BRD9: variants seen among roughly 807,000 people sequenced by gnomAD.
BRD9 encodes bromodomain containing 9, also known as bromodomain-containing protein 9.
Under a neutral mutation model 68.7 loss-of-function variants are expected in BRD9, and 47 were observed. The ratio of observed to expected loss-of-function variants is 0.68; its 90% CI spans 0.54 to 0.87. The LOEUF (loss-of-function observed/expected upper bound fraction) is 0.87, where lower values mean the gene tolerates loss of function less well. BRD9 is among the 40% of genes least tolerant of loss of function. The pLI, the probability that BRD9 is intolerant of heterozygous loss-of-function variation, is 0.00. For missense variants in BRD9, 670 were observed against 748.4 expected, an observed-to-expected ratio of 0.90 and a Z score of 1.22; for synonymous variants, 313 against 293.9, an observed-to-expected ratio of 1.06 and a Z score of -0.67.
intron 7 of BRD9, among the ~76,000 whole-genome samples, chr5:885,386 A>T (rs1268718417): frequency 2.0e-5 from 3 of 152,160 alleles, no homozygotes; most frequent in Non-Finnish European, 4.4e-5. Flanking sequence ...GGTTGGAGGG[A>T]GCTGCTCAGA....
chr5:890,081 A>G (rs1753135307), intron 3 of BRD9: 2 of 326,956 alleles, frequency 6.1e-6, no homozygotes, highest in Non-Finnish European at 1.2e-5. Context: ...CTGTAGTCCC[A>G]GCAACTTGGG....
intron 12 of BRD9, among the ~76,000 whole-genome samples, chr5:875,897 T>C (rs1413317460): frequency 6.6e-6 from 1 of 152,080 alleles, no homozygotes; most frequent in Non-Finnish European, 1.5e-5. Flanking sequence ...GAGTTACGAG[T>C]GCGCTGGGAG....
intron 14 of BRD9, among the ~76,000 whole-genome samples, chr5:867,427 C>T (rs1284505047): frequency 6.6e-6 from 1 of 152,236 alleles, no homozygotes; most frequent in African/African-American, 2.4e-5. Flanking sequence ...GGGCCACCGT[C>T]CTCCAGACCT....
chr5:891,969 G>A lies in BRD9; in HGVS notation c.53-115C>T. ...CCTCCCTAAGGAGTACAGCGGGGCT[G>A]CCAACCAGCAGGGAAAGACGGAAGG... is the stretch of plus-strand genomic sequence containing the variant. On this transcript the variant is annotated intron_variant, in intron 1 of 15. Coordinates refer to ENST00000467963, the MANE Select transcript of BRD9 (RefSeq NM_023924.5). 4 of 1,443,574 alleles carry A rather than the reference G, an allele frequency of 2.8e-6. No individual in the cohort carries two copies. The East Asian group carries it at 1.0e-4, about 36-fold the overall frequency. 89.4% of individuals were successfully genotyped at this position (1,443,574 alleles called of 1,614,324 possible).
At chr5:885,117 G>A (rs938187594) in intron 7 of BRD9, among the ~76,000 whole-genome samples, 1 of 152,184 alleles carries the variant, frequency 6.6e-6, no homozygotes, top group Admixed American at 6.5e-5. Context: ...GGCGGCAAAG[G>A]GCGGCCATGA....
Position 888,982 on chromosome 5 carries a change from A to C in BRD9, c.606+39T>G, listed in dbSNP as rs368604682. ...TCTTCACAAGACATGAATACACAGAACTATGCCACGATTACTTCGGGCAAT... is the reference window on the plus strand; with the variant it reads ...TCTTCACAAGACATGAATACACAGACCTATGCCACGATTACTTCGGGCAAT... On this transcript the variant is annotated intron_variant, in intron 5 of 15. Transcript: ENST00000467963. The C allele has an allele frequency of 1.0e-5, 16 of 1,592,902 alleles. No homozygotes were observed. In the African/African-American group the frequency reaches 1.6e-4, roughly 16 times the overall value.
At chr5:892,001 C>T in intron 1 of BRD9, 147 bp from the exon 2 acceptor site, 1 of 1,313,100 alleles carries the variant, frequency 7.6e-7, no homozygotes, top group Non-Finnish European at 1.0e-6. Flanking sequence ...AAGGGAAGAC[C>T]ACAGTGGCGG....
chr5:865,605 A>T (rs1749273241), intron 14 of BRD9, 24 bp from the exon 15 acceptor site: 2 of 1,565,442 alleles, frequency 1.3e-6, no homozygotes, highest in Non-Finnish European at 1.7e-6. Context: ...ACATGACCCC[A>T]CGTCGGCTGA....
At position 865,392 on chromosome 5, in the gene BRD9, G is replaced by A. The variant is rs555352128; in HGVS notation, c.1693+22C>T. ...ACTGTGCTGGGGTCTCTGGGGATGC[G>A]GCGTGGGTGGGGGCATCTCACCCAG... On this transcript the variant is annotated intron_variant, in intron 15 of 15. Transcript: ENST00000467963. 65 of 1,552,204 alleles carry A rather than the reference G, an allele frequency of 4.2e-5. 2 individuals carry two copies. Among genetic ancestry groups the A allele is most frequent in the South Asian group, 4.2e-4 (36 of 86,600 alleles).
At chr5:891,460 A>C in intron 2 of BRD9, 173 bp from the exon 3 acceptor site, 1 of 1,305,714 alleles carries the variant, frequency 7.7e-7, no homozygotes, top group South Asian at 1.5e-5. Context: ...TCTGCTGAGG[A>C]ACAGCACACC....
In BRD9 at chr5:886,640, T is replaced by C; in HGVS notation, c.785A>G (p.Gln262Arg). The C allele has an allele frequency of 6.2e-7, 1 of 1,614,206 alleles. No individual in the cohort carries two copies. The highest frequency in any genetic ancestry group is 1.3e-5 in the African/African-American group (1 of 75,058). The change falls in exon 7 of 16, where the codon CAA becomes CGA. Residue 262 changes from glutamine to arginine, a missense_variant. This residue lies in a region of BRD9 where 135 missense variants were observed against 141.2 expected (regional missense o/e 0.96). Coordinates refer to ENST00000467963, the MANE Select transcript of BRD9 (RefSeq NM_023924.5). ...EEPVPEVVPV[Q>R]VETAKKSKKP... ...TTTGGATTTCTTGGCAGTTTCTACT[T>C]GTACTGGTACAACTTCAGGGACAGG...
intron 2 of BRD9, 36 bp downstream of exon 2, chr5:891,604 T>A (rs1753414802): frequency 6.5e-7 from 1 of 1,545,702 alleles, no homozygotes; most frequent in African/African-American, 1.4e-5. Flanking sequence ...GGGCTCCTCG[T>A]GGGCAGCGTC....
chr5:869,453 C>T (rs1413953450), intron 14 of BRD9: 12 of 436,512 alleles, frequency 2.7e-5, no homozygotes, highest in Non-Finnish European at 4.6e-5. Flanking sequence ...TTTGAAATAG[C>T]CCTGCAAAGC....
At chr5:871,440 A>C (rs1252769462) in intron 13 of BRD9, 86 bp downstream of exon 13, 2 of 1,243,046 alleles carry the variant, frequency 1.6e-6, no homozygotes, top group Non-Finnish European at 2.4e-6. Context: ...GCCGTCATAC[A>C]CACAGACCTC....
chr5:864,673 G>T, intron 15 of BRD9, 105 bp from the exon 16 acceptor site: 1 of 918,954 alleles, frequency 1.1e-6, no homozygotes, highest in Non-Finnish European at 1.7e-6. Context: ...CCAGGGCTCA[G>T]GGACTCCCAG....
chr5:891,239 C>T lies in BRD9; in HGVS notation c.316G>A (p.Glu106Lys). ...TTCCCAGGATCAAAGTCGTCAGCCT[C>T]TCCCTCCGTGTCACAGTGCTCCCTC... is the stretch of plus-strand genomic sequence containing the variant. Reference protein sequence around the residue: ...REREHCDTEGEADDFDPGKKV... With the variant: ...REREHCDTEGKADDFDPGKKV... Residue 106 changes from glutamate to lysine, a missense_variant, in exon 3 of 16, where the codon GAG (glutamate) becomes AAG (lysine). Coordinates refer to ENST00000467963, the MANE Select transcript of BRD9 (RefSeq NM_023924.5). The T allele has an allele frequency of 1.3e-6, 2 of 1,551,928 alleles. No homozygotes were observed. The highest frequency in any genetic ancestry group is 1.2e-5 in the South Asian group (1 of 84,068).
rs184819406 is a variant in BRD9, at chr5:876,064, G to C, written c.1383+37C>G. 3.8e-3 allele frequency: 5,690 copies of C among 1,489,180 alleles called. 22 individuals are homozygous for C. Among genetic ancestry groups the C allele is most frequent in the Middle Eastern group, 9.2e-3 (52 of 5,628 alleles). 92.2% of individuals were successfully genotyped at this position (1,489,180 alleles called of 1,614,324 possible). A position where few individuals can be genotyped will look rare whatever the true frequency, so the allele number is the denominator to read the frequency against. On this transcript the variant is annotated intron_variant, in intron 12 of 15. Coordinates refer to ENST00000467963, the MANE Select transcript of BRD9 (RefSeq NM_023924.5). ...TCTTCCCGCCAGCAGCACCCCAAGG[G>C]CACCTGCCCCCCAACCCCGGTGCGA...
chr5:889,857 A>G (rs1753098280), intron 3 of BRD9: 7 of 1,029,756 alleles, frequency 6.8e-6, no homozygotes, highest in Admixed American at 4.4e-5. Context: ...AGTCATAAAA[A>G]TCTCTTGTAA....
intron 14 of BRD9, among the ~76,000 whole-genome samples, chr5:869,834 G>A (rs1749879796): frequency 1.3e-5 from 2 of 152,186 alleles, no homozygotes; most frequent in Admixed American, 1.3e-4. Context: ...GACATGTACT[G>A]ACTGATGTCC....
Sources: allele counts gnomAD v4.1 joint callset (sites outside exome capture counted in the v4.1 genomes callset), GRCh38; gene constraint gnomAD v4.1.1; regional missense constraint gnomAD v4.1.1; transcripts MANE v1.5; gene names NCBI Gene and HGNC (gene_info 2026-07-23, HGNC 2026-07-21).